Variants in ATP13A4 observed in about 807,000 individuals in gnomAD.
The protein encoded by ATP13A4 is ATPase 13A4.
A neutral mutation model predicts 142.5 loss-of-function variants in ATP13A4; 114 were observed. The ratio of observed to expected loss-of-function variants is 0.80; its 90% CI spans 0.69 to 0.93. The LOEUF is 0.93. Among genes scored for constraint, ATP13A4 ranks in the 40% least tolerant of loss-of-function variants. ATP13A4 has a pLI of 0.00. For synonymous variants in ATP13A4, 488 were observed against 514.8 expected (o/e 0.95, Z 0.70); for missense variants, 1,392 against 1,454.0 (o/e 0.96, Z 0.69).
At chr3:193,432,396 C>T (rs1716030161) in intron 25 of ATP13A4, among the ~76,000 whole-genome samples, 1 of 152,084 alleles carries the variant, frequency 6.6e-6, no homozygotes, top group Non-Finnish European at 1.5e-5. Context: ...TAATCCTTTA[C>T]CCAGTGAAAA....
intron 1 of ATP13A4, among the ~76,000 whole-genome samples, chr3:193,591,796 T>TTTG (rs1001254890): frequency 1.3e-5 from 2 of 152,196 alleles, no homozygotes; most frequent in Admixed American, 1.3e-4. Flanking sequence ...ATTTTTCTTT[T>TTTG]TTGTTGTTGT....
intron 7 of ATP13A4, among the ~76,000 whole-genome samples, chr3:193,487,143 G>A (rs910520470): frequency 6.6e-6 from 1 of 152,164 alleles, no homozygotes; most frequent in African/African-American, 2.4e-5. Flanking sequence ...TGGAGAGTGT[G>A]TTGTCCCTGA....
intron 7 of ATP13A4, among the ~76,000 whole-genome samples, chr3:193,486,912 A>C (rs1208568649): frequency 6.6e-6 from 1 of 152,244 alleles, no homozygotes; most frequent in African/African-American, 2.4e-5. Flanking sequence ...ATAAGAAAAA[A>C]AGAAAGTACA....
rs1724314128 is a variant in ATP13A4, at chr3:193,573,277, A to ATATATATATG, written n.291+8429_291+8430insCATATATATA. ...ACCACAGCCATATATATATATATAC[A>ATATATATATG]TATATATATATACACATATATATAT... is the stretch of plus-strand genomic sequence containing the variant. On this transcript the variant is annotated intron_variant and non_coding_transcript_variant, in intron 2 of 3. Coordinates refer to the ATP13A4 transcript ENST00000489140. Among the ~76,000 whole-genome samples the ATATATATATG allele has an allele frequency of 4.4e-4, 32 of 71,954 alleles. 1 individual carries two copies. The highest frequency in any genetic ancestry group is 1.6e-3 in the African/African-American group (22 of 14,092). The allele number at this position is 71,954 out of a possible 152,430, so 47.2% of individuals were successfully genotyped here. A position where few individuals can be genotyped will look rare whatever the true frequency, so the allele number is the denominator to read the frequency against.
chr3:193,454,758 G>C (rs1382000726), intron 16 of ATP13A4, among the ~76,000 whole-genome samples: 1 of 152,080 alleles, frequency 6.6e-6, no homozygotes, highest in Admixed American at 6.5e-5. Flanking sequence ...AACTATAAAA[G>C]CCTGGAAGAC....
chr3:193,488,384 C>T lies in ATP13A4; in HGVS notation c.738+1346G>A, dbSNP rs180981458. ...ACTAAAAGTATACAGAAAATATGGT[C>T]CTAGTGGATGTATCTTGAAACAGGA... is the stretch of plus-strand genomic sequence containing the variant. On this transcript the variant is annotated intron_variant, in intron 7 of 29. Coordinates refer to ENST00000342695, the MANE Select transcript of ATP13A4 (RefSeq NM_032279.4). Among the ~76,000 whole-genome samples, 44 of 152,206 alleles carry T rather than the reference C, an allele frequency of 2.9e-4. No individual in the cohort carries two copies. In the East Asian group the frequency reaches 8.3e-3, roughly 29 times the overall value.
At chr3:193,574,550 C>T (rs1035482101) in intron 2 of ATP13A4, among the ~76,000 whole-genome samples, 1 of 145,822 alleles carries the variant, frequency 6.9e-6, no homozygotes, top group South Asian at 2.2e-4. Context: ...GAAACCCTGT[C>T]TGTAATAAAA....
chr3:193,470,708 G>T, intron 9 of ATP13A4, 151 bp downstream of exon 9: 1 of 1,090,044 alleles, frequency 9.2e-7, no homozygotes, highest in Non-Finnish European at 1.4e-6. Flanking sequence ...GCAGGACTAA[G>T]TAAGATTTGT....
intron 1 of ATP13A4, among the ~76,000 whole-genome samples, chr3:193,543,704 G>T (rs1480702004): frequency 1.3e-5 from 2 of 152,142 alleles, no homozygotes; most frequent in African/African-American, 4.8e-5. Context: ...AATCCACGAA[G>T]TCATAAATTT....
intron 14 of ATP13A4, among the ~76,000 whole-genome samples, chr3:193,458,257 G>A (rs1362976495): frequency 2.0e-5 from 3 of 152,208 alleles, no homozygotes; most frequent in Non-Finnish European, 2.9e-5. Flanking sequence ...AGTAGTCAGG[G>A]ATGCAGGTCC....
chr3:193,501,794 C>T (rs1257980038), intron 3 of ATP13A4, among the ~76,000 whole-genome samples: 1 of 151,944 alleles, frequency 6.6e-6, no homozygotes, highest in African/African-American at 2.4e-5. Context: ...CCAAGCAGAA[C>T]TAATTTAATA....
chr3:193,426,979 C>A (rs1715700707), intron 25 of ATP13A4, among the ~76,000 whole-genome samples: 1 of 151,786 alleles, frequency 6.6e-6, no homozygotes, highest in African/African-American at 2.4e-5. Flanking sequence ...CAAACAAATA[C>A]ATAAATAAAT....
chr3:193,405,274 T>C (rs1373848212), intron 29 of ATP13A4, among the ~76,000 whole-genome samples: 3 of 152,216 alleles, frequency 2.0e-5, no homozygotes, highest in African/African-American at 7.2e-5. Flanking sequence ...CTCCCAACTC[T>C]TCCCTTCCCA....
chr3:193,455,968 T>C (rs1442279080), intron 16 of ATP13A4, among the ~76,000 whole-genome samples: 1 of 152,062 alleles, frequency 6.6e-6, no homozygotes, highest in African/African-American at 2.4e-5. Context: ...GGGAGCTAAA[T>C]AATGAGAACA....
chr3:193,487,209 A>C (rs895972343), intron 7 of ATP13A4, among the ~76,000 whole-genome samples: 4 of 152,160 alleles, frequency 2.6e-5, no homozygotes, highest in African/African-American at 9.7e-5. Flanking sequence ...GTCAAATCCA[A>C]CTGAGAGGTT....
chr3:193,521,792 G>A (rs1016324165), intron 1 of ATP13A4, among the ~76,000 whole-genome samples: 3 of 152,104 alleles, frequency 2.0e-5, no homozygotes, highest in Admixed American at 6.5e-5. Flanking sequence ...AATTAGCTGG[G>A]TGTGGTGGCA....
At chr3:193,412,423 G>A in intron 26 of ATP13A4, 52 bp from the exon 27 acceptor site, 11 of 1,536,662 alleles carry the variant, frequency 7.2e-6, no homozygotes, top group Non-Finnish European at 9.0e-6. Context: ...AGGCTTTATG[G>A]AGCATTTGTA....
intron 2 of ATP13A4, among the ~76,000 whole-genome samples, chr3:193,503,039 G>C (rs1011258591): frequency 2.0e-5 from 3 of 148,856 alleles, no homozygotes; most frequent in Non-Finnish European, 4.5e-5. Context: ...GGGCGGGGCA[G>C]GGGGGGGAAC....
chr3:193,477,137 T>C (rs1372881785), intron 8 of ATP13A4, among the ~76,000 whole-genome samples: 1 of 152,106 alleles, frequency 6.6e-6, no homozygotes, highest in African/African-American at 2.4e-5. Flanking sequence ...GTATCATAAG[T>C]ATGTCTACAC....
Sources: allele counts gnomAD v4.1 joint callset (sites outside exome capture counted in the v4.1 genomes callset), GRCh38; gene constraint gnomAD v4.1.1; transcripts MANE v1.5; gene names NCBI Gene and HGNC (gene_info 2026-07-23, HGNC 2026-07-21).